OR9Q1: variants seen among roughly 807,000 people sequenced by gnomAD.
The protein encoded by OR9Q1 is olfactory receptor family 9 subfamily Q member 1.
For missense variants in OR9Q1, 374 were observed against 378.8 expected, an observed-to-expected ratio of 0.99 and a Z score of 0.11; for synonymous variants, 153 against 148.6, an observed-to-expected ratio of 1.03 and a Z score of -0.22.
At chr11:58,033,389 G>A (rs1179258467) in intron 1 of OR9Q1, among the ~76,000 whole-genome samples, 1 of 152,136 alleles carries the variant, frequency 6.6e-6, no homozygotes, top group African/African-American at 2.4e-5. Context: ...TAAAGAAAAT[G>A]CAATACATAT....
intron 2 of OR9Q1, among the ~76,000 whole-genome samples, chr11:58,093,909 G>T (rs1853707530): frequency 6.6e-6 from 1 of 151,726 alleles, no homozygotes; most frequent in Admixed American, 6.6e-5. Flanking sequence ...ACTAAAAATA[G>T]CACTATCATT....
chr11:58,126,522 C>A (rs371372077), intron 2 of OR9Q1, among the ~76,000 whole-genome samples: 1 of 152,070 alleles, frequency 6.6e-6, no homozygotes, highest in Non-Finnish European at 1.5e-5. Flanking sequence ...AGCATTCAGG[C>A]GAACTAGGGT....
chr11:58,157,907 C>T (rs943199812), intron 2 of OR9Q1, among the ~76,000 whole-genome samples: 1 of 152,206 alleles, frequency 6.6e-6, no homozygotes, highest in Non-Finnish European at 1.5e-5. Flanking sequence ...TCTCCCACTC[C>T]TTAGGCTTCA....
chr11:58,146,758 G>A (rs1464008197), intron 2 of OR9Q1, among the ~76,000 whole-genome samples: 1 of 152,176 alleles, frequency 6.6e-6, no homozygotes, highest in Non-Finnish European at 1.5e-5. Context: ...ATAGTCATGG[G>A]TTGTGAAGAC....
intron 2 of OR9Q1, chr11:58,171,515 C>A (rs1296669373): frequency 6.6e-6 from 1 of 152,200 alleles, no homozygotes; most frequent in East Asian, 1.9e-4. Flanking sequence ...TCTACCTTTG[C>A]CTCATGCAGA....
At chr11:58,064,157 AT>A (rs1853406966) in intron 2 of OR9Q1, among the ~76,000 whole-genome samples, 1 of 152,236 alleles carries the variant, frequency 6.6e-6, no homozygotes, top group Non-Finnish European at 1.5e-5. Flanking sequence ...TAAAACCACC[AT>A]CTAAGGAGGG....
intron 2 of OR9Q1, among the ~76,000 whole-genome samples, chr11:58,061,793 G>C (rs1265999558): frequency 6.6e-6 from 1 of 152,216 alleles, no homozygotes; most frequent in Non-Finnish European, 1.5e-5. Context: ...GCAAGTTAAA[G>C]GTAGCACTTA....
chr11:58,135,297 A>G (rs997071729), intron 2 of OR9Q1, among the ~76,000 whole-genome samples: 9 of 152,124 alleles, frequency 5.9e-5, no homozygotes, highest in Non-Finnish European at 1.0e-4. Flanking sequence ...TCCAAACAAG[A>G]TTTTGAGGGA....
chr11:58,115,016 G>A lies in OR9Q1; in HGVS notation c.-15+59069G>A, dbSNP rs369769020. Among the ~76,000 whole-genome samples, 101 of 152,246 alleles carry A rather than the reference G, an allele frequency of 6.6e-4. No homozygotes were observed. In the Middle Eastern group the frequency reaches 0.02, roughly 31 times the overall value. On this transcript the variant is annotated intron_variant, in intron 2 of 2. Transcript: ENST00000335397. ...CTTACCTGTCCGTACTATTCTGTGC[G>A]GAGCCTTAAGCACCAGGCATTCTTC...
chr11:58,026,682 C>CAAA (rs61606334), intron 1 of OR9Q1: 3 of 77,454 alleles, frequency 3.9e-5, no homozygotes, highest in East Asian at 5.0e-4. Context: ...ACTCTGTAAC[C>CAAA]AAAAAAAAAA....
At chr11:58,112,806 G>A (rs1157394727) in intron 2 of OR9Q1, among the ~76,000 whole-genome samples, 2 of 152,162 alleles carry the variant, frequency 1.3e-5, no homozygotes, top group Non-Finnish European at 2.9e-5. Context: ...ATTATGTCAG[G>A]CAAGCATCTG....
intron 2 of OR9Q1, among the ~76,000 whole-genome samples, chr11:58,066,848 C>CG (rs1017951587): frequency 2.0e-5 from 3 of 151,998 alleles, no homozygotes; most frequent in African/African-American, 7.3e-5. Context: ...CAGGAGAGGC[C>CG]GGGGGTCTCC....
chr11:58,113,194 T>A (rs1853919194), intron 2 of OR9Q1, among the ~76,000 whole-genome samples: 1 of 152,182 alleles, frequency 6.6e-6, no homozygotes, highest in Non-Finnish European at 1.5e-5. Flanking sequence ...AGGGCTCTAC[T>A]GTTAAAGAAA....
intron 2 of OR9Q1, chr11:58,109,256 T>C (rs909824644): frequency 4.3e-6 from 2 of 463,080 alleles, no homozygotes; most frequent in Non-Finnish European, 8.7e-6. Context: ...CCTGGAGTCA[T>C]GGTCATGTTA....
intron 2 of OR9Q1, among the ~76,000 whole-genome samples, chr11:58,153,078 G>A (rs1423875096): frequency 6.6e-6 from 1 of 152,202 alleles, no homozygotes; most frequent in Non-Finnish European, 1.5e-5. Context: ...AAGATAGAGG[G>A]ATGAGCTGAA....
At chr11:58,177,138 T>C (rs1200441743) in intron 2 of OR9Q1, among the ~76,000 whole-genome samples, 1 of 152,228 alleles carries the variant, frequency 6.6e-6, no homozygotes, top group Non-Finnish European at 1.5e-5. Flanking sequence ...CTTTCTATCC[T>C]GTTGCACTAC....
Position 58,180,255 on chromosome 11 carries a change from C to T in OR9Q1, c.811C>T (p.Arg271Trp), listed in dbSNP as rs147392664. 1.2e-4 allele frequency: 191 copies of T among 1,613,942 alleles called. No individual in the cohort carries two copies. The highest frequency in any genetic ancestry group is 1.6e-4 in the Middle Eastern group (1 of 6,084). Residue 271 changes from arginine to tryptophan, a missense_variant, in exon 3 of 3, where the codon CGG (arginine) becomes TGG (tryptophan). Coordinates refer to ENST00000335397, the MANE Select transcript of OR9Q1 (RefSeq NM_001005212.4). Reference sequence around the variant, plus strand: ...CTCAGATCAGTCTTCGGAGAAGAATCGGGTAGTGTCTGTGCTTTACACAGA... The same window carrying T: ...CTCAGATCAGTCTTCGGAGAAGAATTGGGTAGTGTCTGTGCTTTACACAGA... ...GNSDQSSEKN[R>W]VVSVLYTEVI...
At chr11:58,153,635 A>G (rs1278736964) in intron 2 of OR9Q1, among the ~76,000 whole-genome samples, 1 of 152,060 alleles carries the variant, frequency 6.6e-6, no homozygotes, top group African/African-American at 2.4e-5. Flanking sequence ...CTTGGGTTTT[A>G]AACTCCTGAT....
At chr11:58,145,933 AC>A (rs1299800163) in intron 2 of OR9Q1, among the ~76,000 whole-genome samples, 1 of 152,116 alleles carries the variant, frequency 6.6e-6, no homozygotes, top group Non-Finnish European at 1.5e-5. Flanking sequence ...ATTCAGTCAT[AC>A]CCAATTTAGG....
Sources: gnomAD v4.1 joint callset for allele counts (sites outside exome capture counted in the v4.1 genomes callset) on GRCh38, gnomAD v4.1.1 for gene constraint, MANE v1.5 for transcripts, NCBI Gene and HGNC (gene_info 2026-07-23, HGNC 2026-07-21) for gene names.